Variants in COA1 observed in about 807,000 individuals in gnomAD.
COA1 encodes cytochrome c oxidase assembly factor 1, also known as cytochrome c oxidase assembly factor 1 homolog.
In COA1, 13 loss-of-function variants were observed where a neutral mutation model predicts 16.0. That is an observed-to-expected ratio of 0.81 (90% CI 0.53 to 1.29). The LOEUF (loss-of-function observed/expected upper bound fraction) is 1.29, where lower values mean the gene tolerates loss of function less well. Ranked by LOEUF, COA1 falls within the 50% of genes most tolerant of loss-of-function variation. COA1 has a pLI of 0.00. For synonymous variants in COA1, 65 were observed against 65.7 expected (o/e 0.99, Z 0.05); for missense variants, 179 against 177.0 (o/e 1.01, Z -0.06).
intron 1 of COA1, among the ~76,000 whole-genome samples, chr7:43,709,434 TTGTGTGTGTGTGTGTGTG>T (rs59823123): frequency 1.4e-5 from 2 of 144,892 alleles, no homozygotes; most frequent in Non-Finnish European, 3.0e-5. Flanking sequence ...CTTTGTTTTA[TTGTGTGTGTGTGTGTGTG>T]TGTGTGTGTG....
intron 1 of COA1, among the ~76,000 whole-genome samples, chr7:43,717,784 C>T (rs556852203): frequency 6.6e-6 from 1 of 152,248 alleles, no homozygotes; most frequent in East Asian, 1.9e-4. Context: ...GTGGGAGGGA[C>T]CCAATGGGAG....
chr7:43,635,999 T>C (rs944551491), downstream of COA1, among the ~76,000 whole-genome samples: 1 of 152,172 alleles, frequency 6.6e-6, no homozygotes, highest in Admixed American at 6.5e-5. Flanking sequence ...AATTAAAAAG[T>C]TTCCTTAAAA....
intron 1 of COA1, among the ~76,000 whole-genome samples, chr7:43,667,031 A>G (rs565791252): frequency 6.6e-6 from 1 of 152,344 alleles, no homozygotes; most frequent in African/African-American, 2.4e-5. Context: ...TTATGATTAG[A>G]AGCAATGATC....
At chr7:43,653,701 A>C (rs962384124) in intron 1 of COA1, among the ~76,000 whole-genome samples, 6 of 151,978 alleles carry the variant, frequency 3.9e-5, no homozygotes, top group Non-Finnish European at 7.4e-5. Flanking sequence ...TTGGCACAAA[A>C]GTAATTGTGG....
intron 6 of COA1, among the ~76,000 whole-genome samples, chr7:43,630,741 A>G (rs1471034459): frequency 6.6e-6 from 1 of 152,238 alleles, no homozygotes; most frequent in Non-Finnish European, 1.5e-5. Flanking sequence ...CAGGAAATTG[A>G]TATTTGCACA....
chr7:43,724,534 G>A (rs2095573839), intron 1 of COA1, among the ~76,000 whole-genome samples: 1 of 150,238 alleles, frequency 6.7e-6, no homozygotes, highest in Non-Finnish European at 1.5e-5. Flanking sequence ...CTGGGAGACA[G>A]AGCAAGACTC....
At chr7:43,725,802 T>C (rs1458458822) in intron 1 of COA1, among the ~76,000 whole-genome samples, 3 of 151,848 alleles carry the variant, frequency 2.0e-5, no homozygotes, top group Non-Finnish European at 4.4e-5. Context: ...GAGGTTGCAG[T>C]AAGCCGAGAT....
At chr7:43,725,426 C>T (rs1008637034) in intron 1 of COA1, among the ~76,000 whole-genome samples, 1 of 152,092 alleles carries the variant, frequency 6.6e-6, no homozygotes, top group East Asian at 1.9e-4. Flanking sequence ...ACAAGAAACA[C>T]ACAGTTCTAA....
At chr7:43,691,758 C>A (rs1288546911) in intron 1 of COA1, among the ~76,000 whole-genome samples, 2 of 152,178 alleles carry the variant, frequency 1.3e-5, no homozygotes, top group Non-Finnish European at 2.9e-5. Context: ...AGTTATGAAA[C>A]CAAGGTAGAG....
rs578255397 is a variant in COA1, at chr7:43,681,018, A to G, written c.-38-32366T>C. On this transcript the variant is annotated intron_variant, in intron 1 of 5. Coordinates refer to ENST00000223336, the MANE Select transcript of COA1 (RefSeq NM_018224.4). ...CTCAAGAAAGTTTCCTTCTGCTTTT[A>G]TATTTTGCTTCTGTTCCATTTATTC... Among the ~76,000 whole-genome samples the G allele has an allele frequency of 2.0e-5, 3 of 152,250 alleles. No individual in the cohort carries two copies. The East Asian group carries it at 5.8e-4, about 29-fold the overall frequency.
intron 1 of COA1, among the ~76,000 whole-genome samples, chr7:43,704,451 CA>C (rs1197408288): frequency 1.3e-5 from 2 of 152,168 alleles, no homozygotes; most frequent in Non-Finnish European, 2.9e-5. Context: ...TCAGGAATGC[CA>C]ATGAGTCACA....
chr7:43,712,009 C>A (rs964857832), intron 1 of COA1, among the ~76,000 whole-genome samples: 2 of 152,096 alleles, frequency 1.3e-5, no homozygotes, highest in Non-Finnish European at 2.9e-5. Flanking sequence ...ATTAAGACAC[C>A]CTGATCCCAT....
intron 1 of COA1, among the ~76,000 whole-genome samples, chr7:43,689,682 AC>A (rs748420242): frequency 3.3e-5 from 5 of 152,228 alleles, no homozygotes; most frequent in Non-Finnish European, 4.4e-5. Context: ...ACTAAAGCAA[AC>A]CTGGTAATGT....
intron 1 of COA1, among the ~76,000 whole-genome samples, chr7:43,667,678 A>T (rs2092973094): frequency 6.6e-6 from 1 of 152,222 alleles, no homozygotes; most frequent in Admixed American, 6.5e-5. Context: ...GAAGATTGTT[A>T]ACACTGGAAT....
chr7:43,645,179 T>C (rs2088881487), intron 4 of COA1, 72 bp downstream of exon 4: 7 of 1,475,224 alleles, frequency 4.7e-6, no homozygotes, highest in African/African-American at 1.4e-5. Context: ...ACTCCAGGAC[T>C]TTCCAGGAGA....
intron 1 of COA1, among the ~76,000 whole-genome samples, chr7:43,701,304 TC>T (rs1365989093): frequency 6.6e-6 from 1 of 152,132 alleles, no homozygotes; most frequent in African/African-American, 2.4e-5. Flanking sequence ...TGTCTGTTGT[TC>T]CCCTTCGTGT....
chr7:43,706,969 A>C (rs1482013908), intron 1 of COA1, among the ~76,000 whole-genome samples: 1 of 152,176 alleles, frequency 6.6e-6, no homozygotes, highest in Non-Finnish European at 1.5e-5. Context: ...TCAGGAGTTC[A>C]AGACCAGCCT....
At chr7:43,683,931 A>T (rs2093892676) in intron 1 of COA1, among the ~76,000 whole-genome samples, 2 of 152,248 alleles carry the variant, frequency 1.3e-5, no homozygotes, top group African/African-American at 4.8e-5. Context: ...CACAAAGGTA[A>T]GGAACAATGT....
intron 1 of COA1, among the ~76,000 whole-genome samples, chr7:43,725,653 T>C (rs1434760858): frequency 2.0e-5 from 3 of 151,586 alleles, no homozygotes; most frequent in Non-Finnish European, 2.9e-5. Context: ...AGGTCAGGAG[T>C]TCCAGACCAA....
Sources: gnomAD v4.1 joint callset for allele counts (sites outside exome capture counted in the v4.1 genomes callset) on GRCh38, gnomAD v4.1.1 for gene constraint, MANE v1.5 for transcripts, NCBI Gene and HGNC (gene_info 2026-07-23, HGNC 2026-07-21) for gene names.